Variants in G2E3 observed in about 807,000 individuals in gnomAD.
G2E3 encodes the protein G2/M-phase specific E3 ubiquitin protein ligase, also known as G2/M phase-specific E3 ubiquitin-protein ligase.
A neutral mutation model predicts 92.8 loss-of-function variants in G2E3; 35 were observed. The observed-to-expected ratio is 0.38, with a 90% confidence interval of 0.29 to 0.50. The LOEUF (loss-of-function observed/expected upper bound fraction) is 0.50, where lower values mean the gene tolerates loss of function less well. G2E3 is among the 20% of genes least tolerant of loss of function. G2E3 has a pLI of 0.94. For synonymous variants in G2E3, 242 were observed against 272.4 expected (o/e 0.89, Z 1.10); for missense variants, 554 against 823.8 (o/e 0.67, Z 4.01).
chr14:30,587,813 A>T (rs1410553773), intron 3 of G2E3, among the ~76,000 whole-genome samples: 3 of 152,188 alleles, frequency 2.0e-5, no homozygotes, highest in Admixed American at 2.0e-4. Flanking sequence ...ATCAAGATGG[A>T]ACCATATGAC....
At chr14:30,587,408 C>T (rs1415526132) in intron 3 of G2E3, among the ~76,000 whole-genome samples, 1 of 152,164 alleles carries the variant, frequency 6.6e-6, no homozygotes, top group Non-Finnish European at 1.5e-5. Flanking sequence ...CACATTACCA[C>T]CTTAGCATGC....
chr14:30,580,352 A>G (rs981028190), intron 1 of G2E3, among the ~76,000 whole-genome samples: 4 of 152,062 alleles, frequency 2.6e-5, no homozygotes, highest in Non-Finnish European at 4.4e-5. Context: ...GATTACAGGC[A>G]TGCACCACCA....
At chr14:30,577,223 CAAAAAAAAA>C (rs59757142) in intron 1 of G2E3, among the ~76,000 whole-genome samples, 1 of 80,776 alleles carries the variant, frequency 1.2e-5, no homozygotes, top group Non-Finnish European at 2.6e-5. Flanking sequence ...GACTCTGTCT[CAAAAAAAAA>C]AAAAAAAAAA....
rs1882436630 is a variant in G2E3 at position 30,618,874 on chromosome 14, A to C, written c.*2340A>C. 6.6e-6 allele frequency: 1 copy of C among 152,060 alleles called. No individual in the cohort carries two copies. Among genetic ancestry groups the C allele is most frequent in the African/African-American group, 2.4e-5 (1 of 41,442 alleles). 9.4% of individuals were successfully genotyped at this position (152,060 alleles called of 1,614,324 possible). A position where few individuals can be genotyped will look rare whatever the true frequency, so the allele number is the denominator to read the frequency against. Reference sequence around the variant, plus strand: ...CATAATTCTTACATTAGATTTTAAAAAAGAATTATGCTATAAATCTTTATA... The same window carrying C: ...CATAATTCTTACATTAGATTTTAAACAAGAATTATGCTATAAATCTTTATA... On this transcript the variant is annotated 3_prime_UTR_variant, in exon 15 of 15. Coordinates refer to ENST00000206595, the MANE Select transcript of G2E3 (RefSeq NM_017769.5).
intron 5 of G2E3, 24 bp downstream of exon 5, chr14:30,592,471 T>C: frequency 6.6e-7 from 1 of 1,525,350 alleles, no homozygotes; most frequent in Non-Finnish European, 8.8e-7. Context: ...CTGTTAAATA[T>C]GAAAGTTCAG....
intron 11 of G2E3, 32 bp downstream of exon 11, chr14:30,605,844 A>C: frequency 8.9e-7 from 1 of 1,128,392 alleles, no homozygotes; most frequent in Non-Finnish European, 1.3e-6. Flanking sequence ...GTATATACCA[A>C]ATATCACATG....
chr14:30,590,642 TTA>T (rs1330896823), intron 4 of G2E3: 2 of 455,368 alleles, frequency 4.4e-6, no homozygotes, highest in Non-Finnish European at 4.4e-6. Context: ...GTGGAGGCAA[TTA>T]TTTTTGAAGA....
intron 1 of G2E3, among the ~76,000 whole-genome samples, chr14:30,577,469 G>A (rs1366113796): frequency 6.6e-6 from 1 of 152,162 alleles, no homozygotes; most frequent in Non-Finnish European, 1.5e-5. Context: ...CTGGCTTAGG[G>A]TCTTGTATGA....
chr14:30,593,698 T>G (rs1055557915), intron 6 of G2E3, 59 bp downstream of exon 6: 70 of 1,192,316 alleles, frequency 5.9e-5, no homozygotes, highest in Non-Finnish European at 7.8e-5. Context: ...CTTGCTGATT[T>G]AAATTTTAAA....
chr14:30,577,055 T>A (rs1466894122), intron 1 of G2E3, among the ~76,000 whole-genome samples: 1 of 151,830 alleles, frequency 6.6e-6, no homozygotes, highest in Non-Finnish European at 1.5e-5. Flanking sequence ...TGAAACCCCG[T>A]CTGTACTAAA....
intron 10 of G2E3, among the ~76,000 whole-genome samples, chr14:30,603,696 A>G (rs1229093491): frequency 6.6e-6 from 1 of 152,120 alleles, no homozygotes; most frequent in African/African-American, 2.4e-5. Context: ...TTTTGAGAAA[A>G]TAGCCAGGTA....
At chr14:30,609,474 C>T (rs910892401) in intron 12 of G2E3, among the ~76,000 whole-genome samples, 6 of 152,180 alleles carry the variant, frequency 3.9e-5, no homozygotes, top group African/African-American at 7.2e-5. Flanking sequence ...CCTCCTACTT[C>T]TGATGATTCT....
chr14:30,610,345 G>C (rs1194762755), intron 12 of G2E3, among the ~76,000 whole-genome samples: 2 of 152,234 alleles, frequency 1.3e-5, no homozygotes, highest in African/African-American at 4.8e-5. Flanking sequence ...GCCGGGCGCA[G>C]TGGGTCACGC....
intron 4 of G2E3, among the ~76,000 whole-genome samples, chr14:30,589,977 AT>A (rs1292426154): frequency 6.6e-6 from 1 of 152,100 alleles, no homozygotes; most frequent in Non-Finnish European, 1.5e-5. Context: ...ACATTGTGTG[AT>A]TATATTCAGT....
chr14:30,619,434 G>A lies in G2E3; in HGVS notation c.*2900G>A, dbSNP rs1254648908. ...AACAAAATCATTACATTATAAACAT[G>A]TAATTCTTTTATATAGTGATTATCA... On this transcript the variant is annotated 3_prime_UTR_variant, in exon 15 of 15. Coordinates refer to ENST00000206595, the MANE Select transcript of G2E3 (RefSeq NM_017769.5). 6.6e-6 allele frequency: 1 copy of A among 152,026 alleles called. No individual in the cohort carries two copies. The highest frequency in any genetic ancestry group is 2.4e-5 in the African/African-American group (1 of 41,424). The allele number at this position is 152,026 out of a possible 1,614,324, so 9.4% of individuals were successfully genotyped here.
chr14:30,592,557 T>G, intron 5 of G2E3, 110 bp downstream of exon 5: 1 of 822,960 alleles, frequency 1.2e-6, no homozygotes, highest in Non-Finnish European at 1.9e-6. Flanking sequence ...GCATCAGAGT[T>G]TAGATATAAC....
rs561645245 is a variant in G2E3, at chr14:30,586,790, A to C, written c.110A>C (p.Asn37Thr). The C allele has an allele frequency of 7.0e-5, 95 of 1,357,424 alleles. 4 individuals are homozygous for C. In the South Asian group the frequency reaches 1.3e-3, roughly 18 times the overall value. The allele number at this position is 1,357,424 out of a possible 1,614,324, so 84.1% of individuals were successfully genotyped here. A position where few individuals can be genotyped will look rare whatever the true frequency, so the allele number is the denominator to read the frequency against. The stretch of plus-strand genomic sequence containing the variant: ...GAAAAGAAAACTAAGGAGAAATGGA[A>C]TCTCACTGTACATTACTACTGTTTG... Reference protein sequence around the residue: ...YGEKKTKEKWNLTVHYYCLLM... With the variant: ...YGEKKTKEKWTLTVHYYCLLM... Residue 37 changes from asparagine to threonine, a missense_variant, in exon 3 of 15, where the codon AAT becomes ACT. This residue lies in a region of G2E3 where 137 missense variants were observed against 201.3 expected (regional missense o/e 0.68). Coordinates refer to ENST00000206595, the MANE Select transcript of G2E3 (RefSeq NM_017769.5).
chr14:30,559,471 G>C (rs1878958608), intron 1 of G2E3, 199 bp downstream of exon 1: 1 of 152,228 alleles, frequency 6.6e-6, no homozygotes, highest in African/African-American at 2.4e-5. Context: ...CGCTCTCGAC[G>C]GTTGCGCACG....
chr14:30,580,892 A>T (rs961253937), intron 1 of G2E3, 184 bp from the exon 2 acceptor site: 11 of 530,744 alleles, frequency 2.1e-5, no homozygotes, highest in Non-Finnish European at 3.4e-5. Context: ...AATTTAAAAA[A>T]TGTTCCCGAC....
Sources: allele counts gnomAD v4.1 joint callset (sites outside exome capture counted in the v4.1 genomes callset), GRCh38; gene constraint gnomAD v4.1.1; regional missense constraint gnomAD v4.1.1; transcripts MANE v1.5; gene names NCBI Gene and HGNC (gene_info 2026-07-23, HGNC 2026-07-21).